Variants in RFFL observed in about 807,000 individuals in gnomAD.
RFFL encodes ring finger and FYVE like domain containing E3 ubiquitin protein ligase, also known as E3 ubiquitin-protein ligase rififylin.
Under a neutral mutation model 40.4 loss-of-function variants are expected in RFFL, and 16 were observed. That is an observed-to-expected ratio of 0.40 (90% CI 0.27 to 0.60). The LOEUF is 0.60. Among genes scored for constraint, RFFL ranks in the 20% least tolerant of loss-of-function variants. The pLI is 0.47. For missense variants in RFFL, 367 were observed against 451.7 expected (o/e 0.81, Z 1.70); for synonymous variants, 154 against 167.9 (o/e 0.92, Z 0.64).
chr17:35,057,926 C>T (rs1051966415), intron 1 of RFFL, among the ~76,000 whole-genome samples: 10 of 151,460 alleles, frequency 6.6e-5, no homozygotes, highest in African/African-American at 2.2e-4. Flanking sequence ...GTTAGATACT[C>T]GAAAGCAAAG....
intron 1 of RFFL, among the ~76,000 whole-genome samples, chr17:35,057,473 A>T (rs1430002052): frequency 1.3e-5 from 2 of 151,488 alleles, no homozygotes; most frequent in East Asian, 3.9e-4. Flanking sequence ...GCTCCTTCTC[A>T]GACTGCAGTT....
chr17:35,021,351 G>A lies in RFFL; in HGVS notation c.591+20C>T, dbSNP rs367556381. The A allele has an allele frequency of 1.3e-6, 2 of 1,515,628 alleles. No homozygotes were observed. Among genetic ancestry groups the A allele is most frequent in the Admixed American group, 2.3e-5 (1 of 43,338 alleles). 93.9% of individuals were successfully genotyped at this position (1,515,628 alleles called of 1,614,324 possible). A position where few individuals can be genotyped will look rare whatever the true frequency, so the allele number is the denominator to read the frequency against. Reference sequence around the variant, plus strand: ...CCTCAAACTGGCACAGACTGGCAGAGACTACAAATGGGCCCTTACCTGCTG... The same window carrying A: ...CCTCAAACTGGCACAGACTGGCAGAAACTACAAATGGGCCCTTACCTGCTG... On this transcript the variant is annotated intron_variant, in intron 3 of 6. Coordinates refer to ENST00000394597, the MANE Select transcript of RFFL (RefSeq NM_001017368.2).
At chr17:35,017,734 C>G (rs1161486478) in intron 3 of RFFL, 128 bp from the exon 4 acceptor site, 5 of 660,344 alleles carry the variant, frequency 7.6e-6, no homozygotes, top group Non-Finnish European at 1.4e-5. Context: ...GAGCCTCTTA[C>G]AGCATCATTA....
intron 1 of RFFL, among the ~76,000 whole-genome samples, chr17:35,079,811 C>T (rs2091395438): frequency 6.6e-6 from 1 of 152,210 alleles, no homozygotes; most frequent in South Asian, 2.1e-4. Flanking sequence ...AATATTCTGA[C>T]ATCCCTCTTC....
intron 1 of RFFL, chr17:35,036,592 T>C (rs2091124762): frequency 6.6e-6 from 1 of 152,222 alleles, no homozygotes; most frequent in African/African-American, 2.4e-5. Flanking sequence ...TGGAAGAACC[T>C]TGTGATATGA....
intron 1 of RFFL, among the ~76,000 whole-genome samples, chr17:35,074,977 A>G (rs2091368946): frequency 2.0e-5 from 3 of 152,212 alleles, no homozygotes; most frequent in African/African-American, 7.2e-5. Flanking sequence ...CAATTTCAAT[A>G]GGAAAGGGGA....
intron 1 of RFFL, among the ~76,000 whole-genome samples, chr17:35,079,867 A>G (rs1597845623): frequency 6.6e-6 from 1 of 152,174 alleles, no homozygotes; most frequent in Non-Finnish European, 1.5e-5. Flanking sequence ...TAGCTCTGAC[A>G]CAGAAGGATT....
intron 1 of RFFL, among the ~76,000 whole-genome samples, chr17:35,061,758 G>T (rs1473136380): frequency 6.6e-6 from 1 of 150,558 alleles, no homozygotes; most frequent in Non-Finnish European, 1.5e-5. Flanking sequence ...CTCGCTCACT[G>T]CAACCTCCAC....
chr17:35,014,841 T>C, intron 5 of RFFL, 78 bp from the exon 6 acceptor site: 1 of 1,403,530 alleles, frequency 7.1e-7, no homozygotes, highest in South Asian at 1.2e-5. Context: ...CCTGACATCA[T>C]TTCTGAACTC....
In RFFL at chr17:35,055,684, AC is replaced by A. The variant is rs1567712228; in HGVS notation, c.-9+7891del. Among the ~76,000 whole-genome samples the A allele has an allele frequency of 3.7e-3, 512 of 140,156 alleles. 17 individuals are homozygous for A. The highest frequency in any genetic ancestry group is 0.015 in the African/African-American group (487 of 32,302). The allele number at this position is 140,156 out of a possible 152,430, so 91.9% of individuals were successfully genotyped here. A position where few individuals can be genotyped will look rare whatever the true frequency, so the allele number is the denominator to read the frequency against. On this transcript the variant is annotated intron_variant, in intron 1 of 6. Coordinates refer to ENST00000394597, the MANE Select transcript of RFFL (RefSeq NM_001017368.2). ...AAAACTCCATCTCAAAAAAAAACAA[AC>A]AAACAAACAAACAAAAAAAAAACAT...
At chr17:35,019,911 C>T (rs1030091075) in intron 3 of RFFL, among the ~76,000 whole-genome samples, 1 of 152,168 alleles carries the variant, frequency 6.6e-6, no homozygotes, top group East Asian at 1.9e-4. Flanking sequence ...TCACATTGGC[C>T]TTTATGCCTC....
chr17:35,053,869 A>G (rs2091245176), intron 1 of RFFL, among the ~76,000 whole-genome samples: 1 of 152,204 alleles, frequency 6.6e-6, no homozygotes, highest in Non-Finnish European at 1.5e-5. Context: ...AATCCCGTTA[A>G]CGGAAAAGGA....
intron 1 of RFFL, among the ~76,000 whole-genome samples, chr17:35,057,077 G>C (rs1443517038): frequency 6.6e-6 from 1 of 151,840 alleles, no homozygotes; most frequent in Non-Finnish European, 1.5e-5. Context: ...CACCATGCCT[G>C]GCTAAAATTT....
chr17:35,073,817 C>A (rs1381088313), intron 1 of RFFL: 1 of 151,808 alleles, frequency 6.6e-6, no homozygotes, highest in East Asian at 1.9e-4. Context: ...CAAAAAATAA[C>A]CACCAGTGAA....
intron 1 of RFFL, among the ~76,000 whole-genome samples, chr17:35,034,555 G>A (rs2091107556): frequency 6.6e-6 from 1 of 150,644 alleles, no homozygotes; most frequent in African/African-American, 2.5e-5. Context: ...TTGAGACAGA[G>A]TCTCACTCTG....
intron 6 of RFFL, among the ~76,000 whole-genome samples, chr17:35,014,259 A>C (rs1370569449): frequency 6.6e-6 from 1 of 152,158 alleles, no homozygotes; most frequent in Non-Finnish European, 1.5e-5. Context: ...TTAGCTCCAG[A>C]GTAGCTCTAA....
At chr17:35,079,179 T>G (rs543998689) in intron 1 of RFFL, among the ~76,000 whole-genome samples, 2 of 152,204 alleles carry the variant, frequency 1.3e-5, no homozygotes, top group Admixed American at 1.3e-4. Flanking sequence ...CGCACCACCA[T>G]GCCTGGCAAA....
At chr17:35,042,854 A>G (rs1333018661) in intron 1 of RFFL, among the ~76,000 whole-genome samples, 1 of 151,656 alleles carries the variant, frequency 6.6e-6, no homozygotes, top group African/African-American at 2.4e-5. Flanking sequence ...AGAAAAGAAA[A>G]AAGAATTCAG....
chr17:35,040,186 C>A (rs933487968), intron 1 of RFFL, among the ~76,000 whole-genome samples: 3 of 152,188 alleles, frequency 2.0e-5, no homozygotes, highest in African/African-American at 7.2e-5. Flanking sequence ...ACTCTGCCCC[C>A]GTGGCTTTCC....
Sources: gnomAD v4.1 joint callset for allele counts (sites outside exome capture counted in the v4.1 genomes callset) on GRCh38, gnomAD v4.1.1 for gene constraint, MANE v1.5 for transcripts, NCBI Gene and HGNC (gene_info 2026-07-23, HGNC 2026-07-21) for gene names.